Variants in ABCC9 observed in about 807,000 individuals in gnomAD.
ABCC9 encodes ATP binding cassette subfamily C member 9.
A neutral mutation model predicts 188.3 loss-of-function variants in ABCC9; 95 were observed. The observed-to-expected ratio is 0.50, with a 90% CI of 0.43 to 0.60. The LOEUF (loss-of-function observed/expected upper bound fraction) is 0.60. ABCC9 is among the 20% of genes least tolerant of loss of function. The pLI is 0.00. For synonymous variants in ABCC9, 659 were observed against 652.7 expected (o/e 1.01, Z -0.15); for missense variants, 1,102 against 1,876.3 (o/e 0.59, Z 7.62).
intron 38 of ABCC9, 82 bp from the exon 39 acceptor site, chr12:21,806,142 C>T: frequency 4.9e-6 from 6 of 1,234,980 alleles, no homozygotes; most frequent in South Asian, 2.5e-5. Flanking sequence ...CAATATTCCA[C>T]TGAATCCCTT....
At chr12:21,867,997 G>A (rs1945866311) in intron 18 of ABCC9, among the ~76,000 whole-genome samples, 1 of 152,080 alleles carries the variant, frequency 6.6e-6, no homozygotes. Flanking sequence ...AACCAGGAAA[G>A]GACTTCAGTC....
chr12:21,901,929 G>T (rs963221443), intron 12 of ABCC9, among the ~76,000 whole-genome samples: 7 of 152,290 alleles, frequency 4.6e-5, no homozygotes, highest in African/African-American at 7.2e-5. Context: ...TCCAGGAATT[G>T]AACTCAGCTC....
At chr12:21,811,021 C>T (rs1198796600) in intron 36 of ABCC9, among the ~76,000 whole-genome samples, 1 of 152,012 alleles carries the variant, frequency 6.6e-6, no homozygotes, top group Non-Finnish European at 1.5e-5. Context: ...CTCTGTGTTC[C>T]CACCCAAATC....
chr12:21,815,629 T>C (rs1942559689), intron 34 of ABCC9, 134 bp downstream of exon 34: 1 of 1,062,492 alleles, frequency 9.4e-7, no homozygotes, highest in South Asian at 1.3e-5. Context: ...TTTTCTTTTA[T>C]GCAGATAATT....
At chr12:21,916,263 C>G (rs1222829763) in intron 6 of ABCC9, among the ~76,000 whole-genome samples, 1 of 152,152 alleles carries the variant, frequency 6.6e-6, no homozygotes, top group East Asian at 1.9e-4. Flanking sequence ...ATTATCAACA[C>G]CATTATTGAG....
chr12:21,864,728 G>A (rs1363233045), intron 18 of ABCC9, among the ~76,000 whole-genome samples: 1 of 152,008 alleles, frequency 6.6e-6, no homozygotes, highest in South Asian at 2.1e-4. Context: ...TAAAAATTTT[G>A]GTTCATACAA....
Position 21,829,067 on chromosome 12 carries a change from A to T in ABCC9, c.3567-7T>A, listed in dbSNP as rs1337772003. On this transcript the variant is annotated splice_polypyrimidine_tract_variant and splice_region_variant and intron_variant, in intron 30 of 39. Transcript: ENST00000261200. ...TTTAAATCTGGTTTCATGCCTGCAG[A>T]AAACAAAAACACGATGTTAACCACA... 1 of 1,604,188 alleles carries T rather than the reference A, an allele frequency of 6.2e-7. No homozygotes were observed. Among genetic ancestry groups the T allele is most frequent in the East Asian group, 2.2e-5 (1 of 44,842 alleles).
chr12:21,797,667 C>T lies in ABCC9; in HGVS notation c.*3377G>A, dbSNP rs1045297971. 2 of 152,158 alleles carry T rather than the reference C, an allele frequency of 1.3e-5. No homozygotes were observed. Among genetic ancestry groups the T allele is most frequent in the Non-Finnish European group, 2.9e-5 (2 of 68,020 alleles). 9.4% of individuals were successfully genotyped at this position (152,158 alleles called of 1,614,324 possible). A position where few individuals can be genotyped will look rare whatever the true frequency, so the allele number is the denominator to read the frequency against. The stretch of plus-strand genomic sequence containing the variant: ...GCAAACAAGACATGGTCCCGAATCT[C>T]AGTTATCAGTTACTTAGAGGGTCTT... On this transcript the variant is annotated 3_prime_UTR_variant, in exon 40 of 40. Transcript: ENST00000261200.
At chr12:21,896,910 A>G (rs1170637249) in intron 12 of ABCC9, among the ~76,000 whole-genome samples, 2 of 152,172 alleles carry the variant, frequency 1.3e-5, no homozygotes, top group Non-Finnish European at 2.9e-5. Context: ...AAATAGAATG[A>G]TTTACATTCC....
chr12:21,862,638 T>C (rs1945578397), intron 20 of ABCC9, among the ~76,000 whole-genome samples: 1 of 152,116 alleles, frequency 6.6e-6, no homozygotes, highest in Non-Finnish European at 1.5e-5. Flanking sequence ...TTTTTCCTTC[T>C]CTATCTTCTC....
At chr12:21,857,156 A>G (rs1403898036) in intron 22 of ABCC9, among the ~76,000 whole-genome samples, 1 of 152,172 alleles carries the variant, frequency 6.6e-6, no homozygotes, top group Non-Finnish European at 1.5e-5. Context: ...AGATCATAAG[A>G]CCCAAGAGTT....
intron 26 of ABCC9, 80 bp from the exon 27 acceptor site, chr12:21,844,995 C>A: frequency 6.6e-7 from 1 of 1,515,264 alleles, no homozygotes; most frequent in South Asian, 1.2e-5. Context: ...ATGTCAATGT[C>A]AGACAAGATT....
At chr12:21,879,135 C>T (rs757163129) in intron 16 of ABCC9, among the ~76,000 whole-genome samples, 1 of 152,124 alleles carries the variant, frequency 6.6e-6, no homozygotes, top group Admixed American at 6.5e-5. Flanking sequence ...CAGAAGCAAA[C>T]GATCAAGAAA....
chr12:21,838,174 G>T lies in ABCC9; in HGVS notation c.3474-4C>A. The T allele has an allele frequency of 6.2e-7, 1 of 1,604,228 alleles. No homozygotes were observed. ...ATCGTCAAGTTCCTGGAGGTCCCTA[G>T]TAGAGAGAGGGGCAAAAATAAACTT... On this transcript the variant is annotated splice_polypyrimidine_tract_variant and splice_region_variant and intron_variant, in intron 29 of 39. Coordinates refer to ENST00000261200, the MANE Select transcript of ABCC9 (RefSeq NM_020297.4).
At chr12:21,902,134 T>A (rs931418387) in intron 12 of ABCC9, among the ~76,000 whole-genome samples, 4 of 152,104 alleles carry the variant, frequency 2.6e-5, no homozygotes, top group Non-Finnish European at 5.9e-5. Context: ...GAAATCAGGA[T>A]TAAGAAACTC....
intron 30 of ABCC9, chr12:21,831,101 G>A (rs373368496): frequency 6.6e-5 from 10 of 150,430 alleles, no homozygotes; most frequent in African/African-American, 2.5e-4. Context: ...GCCCAGGATG[G>A]AGTGCAGTGG....
At chr12:21,821,577 A>G (rs1293819074) in intron 31 of ABCC9, among the ~76,000 whole-genome samples, 3 of 152,176 alleles carry the variant, frequency 2.0e-5, no homozygotes, top group Non-Finnish European at 4.4e-5. Flanking sequence ...ATTAAACAGT[A>G]GGAGTAATAT....
rs1455644270 is a variant in ABCC9, at chr12:21,819,319, C to CA, written c.3670-1069dup. Among the ~76,000 whole-genome samples the CA allele has an allele frequency of 5.9e-5, 9 of 151,996 alleles. No homozygotes were observed. In the East Asian group the frequency reaches 1.2e-3, roughly 20 times the overall value. ...CTAGATAGATTTGTCTCTGGTGCCT[C>CA]AAAAAAAATCTCACAACTAGATGAT... On this transcript the variant is annotated intron_variant, in intron 31 of 39. Transcript: ENST00000261200.
At chr12:21,823,759 C>T (rs912821326) in intron 31 of ABCC9, among the ~76,000 whole-genome samples, 1 of 152,122 alleles carries the variant, frequency 6.6e-6, no homozygotes, top group Admixed American at 6.5e-5. Flanking sequence ...CTGTGCTGAA[C>T]GAGAGGACGC....
Sources: gnomAD v4.1 joint callset for allele counts (sites outside exome capture counted in the v4.1 genomes callset) on GRCh38, gnomAD v4.1.1 for gene constraint, MANE v1.5 for transcripts, NCBI Gene and HGNC (gene_info 2026-07-23, HGNC 2026-07-21) for gene names.